Variants in USP16 observed in about 807,000 individuals in gnomAD.
The protein encoded by USP16 is ubiquitin specific peptidase 16.
In USP16, 77 loss-of-function variants were observed where a neutral mutation model predicts 95.9. The ratio of observed to expected loss-of-function variants is 0.80; its 90% CI spans 0.67 to 0.97. The LOEUF (loss-of-function observed/expected upper bound fraction) is 0.97. Ranked by LOEUF, USP16 falls within the 50% of genes least tolerant of loss-of-function variation. The pLI is 0.00. For synonymous variants in USP16, 303 were observed against 318.2 expected (o/e 0.95, Z 0.51); for missense variants, 943 against 959.9 (o/e 0.98, Z 0.23).
chr21:29,042,155 A>T (rs1308290524), intron 11 of USP16, 51 bp downstream of exon 11: 8 of 1,491,180 alleles, frequency 5.4e-6, no homozygotes, highest in Non-Finnish European at 7.4e-6. Context: ...TCAACAGTTT[A>T]TCAATTGTTT....
At chr21:29,041,656 A>G (rs1445703263) in intron 10 of USP16, among the ~76,000 whole-genome samples, 1 of 152,180 alleles carries the variant, frequency 6.6e-6, no homozygotes, top group Non-Finnish European at 1.5e-5. Flanking sequence ...CTAAGGAACT[A>G]GGCTGTCATT....
At position 29,024,695 on chromosome 21, in the gene USP16, A is replaced by G. The variant is rs2084958075; in HGVS notation, c.-124A>G. The stretch of plus-strand genomic sequence containing the variant: ...TCTGGCTTCGACTCCGTCGCTCTCA[A>G]TTCGTCACCAGGAGGAAGACGGAGC... On this transcript the variant is annotated 5_prime_UTR_variant, in exon 1 of 18. Coordinates refer to ENST00000399976, the MANE Select transcript of USP16 (RefSeq NM_006447.3). The G allele has an allele frequency of 4.7e-6, 6 of 1,288,700 alleles. No homozygotes were observed. Among genetic ancestry groups the G allele is most frequent in the African/African-American group, 4.5e-5 (3 of 65,986 alleles). 79.8% of individuals were successfully genotyped at this position (1,288,700 alleles called of 1,614,324 possible).
rs1354644648 is a variant in USP16, at chr21:29,044,510, A to T, written c.1356+911A>T. Among the ~76,000 whole-genome samples, 3 of 144,248 alleles carry T rather than the reference A, an allele frequency of 2.1e-5. No individual in the cohort carries two copies. In the East Asian group the frequency reaches 6.2e-4, roughly 30 times the overall value. 94.6% of individuals were successfully genotyped at this position (144,248 alleles called of 152,430 possible). Reference sequence around the variant, plus strand: ...CGCCCAGGCTGGAGTGCAAATGGCGAGATCTTGGCACACTGCAACCTCTGC... The same window carrying T: ...CGCCCAGGCTGGAGTGCAAATGGCGTGATCTTGGCACACTGCAACCTCTGC... On this transcript the variant is annotated intron_variant, in intron 13 of 17. Transcript: ENST00000399976.
Position 29,043,248 on chromosome 21 carries a change from G to T in USP16, c.1180-175G>T, listed in dbSNP as rs180752763. On this transcript the variant is annotated intron_variant, in intron 12 of 17. Transcript: ENST00000399976. ...TTTGCTTGTTTTCTCATTATGTGAA[G>T]ATTGCTTTCTAGTGTATGAGATAAA... 3 of 393,774 alleles carry T rather than the reference G, an allele frequency of 7.6e-6. No homozygotes were observed. The East Asian group carries it at 1.2e-4, about 16-fold the overall frequency. 24.4% of individuals were successfully genotyped at this position (393,774 alleles called of 1,614,324 possible). A position where few individuals can be genotyped will look rare whatever the true frequency, so the allele number is the denominator to read the frequency against.
At chr21:29,027,409 T>G (rs1187078090) in intron 1 of USP16, among the ~76,000 whole-genome samples, 1 of 152,250 alleles carries the variant, frequency 6.6e-6, no homozygotes, top group East Asian at 1.9e-4. Flanking sequence ...TTCAGGAGGT[T>G]GTTAGAATTA....
chr21:29,050,244 A>G, intron 16 of USP16, 66 bp downstream of exon 16: 1 of 1,399,502 alleles, frequency 7.1e-7, no homozygotes, highest in Non-Finnish European at 1.0e-6. Context: ...CTAATGCTCC[A>G]GTAGCAACTC....
chr21:29,039,426 G>T lies in USP16; in HGVS notation c.864-55G>T, dbSNP rs1434197231. ...ATGATCCTAAGATTTTCTAAAAATA[G>T]CTTCAGAGCTTAGTAGACTGAAGAT... On this transcript the variant is annotated intron_variant, in intron 8 of 17. Transcript: ENST00000399976. 5 of 1,546,214 alleles carry T rather than the reference G, an allele frequency of 3.2e-6. No individual in the cohort carries two copies. In the African/African-American group the frequency reaches 5.5e-5, roughly 17 times the overall value.
Position 29,043,523 on chromosome 21 carries a change from A to G in USP16, c.1280A>G (p.Glu427Gly). The G allele has an allele frequency of 1.2e-6, 2 of 1,601,722 alleles. No individual in the cohort carries two copies. Among genetic ancestry groups the G allele is most frequent in the East Asian group, 2.3e-5 (1 of 44,154 alleles). ...EEKDNDSYIKERSDIPSGTSK... is the reference protein window; with the variant it reads ...EEKDNDSYIKGRSDIPSGTSK... ...AAAGATAACGACAGTTACATAAAAG[A>G]GAGAAGTGATATTCCTTCTGGAACA... The change falls in exon 13 of 18, where the codon GAG becomes GGG. Residue 427 changes from glutamate (E) to glycine (G), a missense_variant. By Grantham distance (98) the Glu-to-Gly change is moderately conservative. Coordinates refer to ENST00000399976, the MANE Select transcript of USP16 (RefSeq NM_006447.3).
In USP16 at chr21:29,035,065, C is replaced by T. The variant is rs140762644; in HGVS notation, c.344+125C>T. ...TGTAGTATGTTTTAAAATACCATCA[C>T]TTTCACAAAGCTAAAGAATGCAGTA... is the stretch of plus-strand genomic sequence containing the variant. On this transcript the variant is annotated intron_variant, in intron 4 of 17. Coordinates refer to ENST00000399976, the MANE Select transcript of USP16 (RefSeq NM_006447.3). 1,281 of 850,022 alleles carry T rather than the reference C, an allele frequency of 1.5e-3. 13 individuals carry two copies. In the African/African-American group the frequency reaches 0.018, roughly 12 times the overall value. The allele number at this position is 850,022 out of a possible 1,614,324, so 52.7% of individuals were successfully genotyped here. A position where few individuals can be genotyped will look rare whatever the true frequency, so the allele number is the denominator to read the frequency against.
At chr21:29,035,854 G>A (rs1429275214) in intron 4 of USP16, among the ~76,000 whole-genome samples, 1 of 152,036 alleles carries the variant, frequency 6.6e-6, no homozygotes, top group African/African-American at 2.4e-5. Flanking sequence ...GGGAGCTGGA[G>A]GTTGCAGTGA....
At chr21:29,028,482 C>G (rs951261785) in intron 2 of USP16, among the ~76,000 whole-genome samples, 1 of 151,968 alleles carries the variant, frequency 6.6e-6, no homozygotes, top group Non-Finnish European at 1.5e-5. Flanking sequence ...GTTGCCCAGG[C>G]TGGAGTGCAG....
intron 1 of USP16, among the ~76,000 whole-genome samples, chr21:29,026,031 A>G (rs1333878875): frequency 6.6e-6 from 1 of 152,252 alleles, no homozygotes; most frequent in Non-Finnish European, 1.5e-5. Flanking sequence ...AGGTTTATTT[A>G]GAGTAGAATG....
Position 29,054,366 on chromosome 21 carries a change from G to C in USP16, c.*179G>C. The stretch of plus-strand genomic sequence containing the variant: ...TAAAAATGTACAAAGGTTTTATATT[G>C]TCATAGTGGTTTTTATTCCTGCTTT... On this transcript the variant is annotated 3_prime_UTR_variant, in exon 18 of 18. Transcript: ENST00000399976. The C allele has an allele frequency of 2.4e-6, 2 of 821,448 alleles. No homozygotes were observed. The highest frequency in any genetic ancestry group is 3.6e-6 in the Non-Finnish European group (2 of 554,252). 50.9% of individuals were successfully genotyped at this position (821,448 alleles called of 1,614,324 possible). A position where few individuals can be genotyped will look rare whatever the true frequency, so the allele number is the denominator to read the frequency against.
chr21:29,033,528 C>T (rs8128034), intron 3 of USP16, among the ~76,000 whole-genome samples: 135,445 of 152,270 alleles, frequency 0.89, 60,537 homozygotes, highest in African/African-American at 0.95. Context: ...ATATGTTTCT[C>T]AGCAGTGATC....
chr21:29,024,717 G>C lies in USP16; in HGVS notation c.-102G>C, dbSNP rs940641977. On this transcript the variant is annotated 5_prime_UTR_variant, in exon 1 of 18. Coordinates refer to ENST00000399976, the MANE Select transcript of USP16 (RefSeq NM_006447.3). ...TCAATTCGTCACCAGGAGGAAGACG[G>C]AGCTGGCTGCCCAGCCCAAAGGCCC... 6 of 1,289,270 alleles carry C rather than the reference G, an allele frequency of 4.7e-6. No individual in the cohort carries two copies. In the Admixed American group the frequency reaches 6.9e-5, roughly 15 times the overall value. The allele number at this position is 1,289,270 out of a possible 1,614,324, so 79.9% of individuals were successfully genotyped here. A position where few individuals can be genotyped will look rare whatever the true frequency, so the allele number is the denominator to read the frequency against.
At position 29,044,748 on chromosome 21, in the gene USP16, A is replaced by ATTCTTTCT. The variant is rs564605028; in HGVS notation, c.1356+1168_1356+1175dup. Among the ~76,000 whole-genome samples the ATTCTTTCT allele has an allele frequency of 5.2e-3, 781 of 151,566 alleles. 11 individuals are homozygous for ATTCTTTCT. Among genetic ancestry groups the ATTCTTTCT allele is most frequent in the African/African-American group, 0.018 (743 of 41,298 alleles). On this transcript the variant is annotated intron_variant, in intron 13 of 17. Transcript: ENST00000399976. ...AGATGTGAGACACCGTGCCTGGCCC[A>ATTCTTTCT]TTCTTTCTTTCTTTCTTTCTTTCTT...
intron 13 of USP16, among the ~76,000 whole-genome samples, chr21:29,043,818 G>T (rs1284778503): frequency 6.6e-6 from 1 of 152,014 alleles, no homozygotes; most frequent in Non-Finnish European, 1.5e-5. Context: ...ATCCTGCATT[G>T]CTTGTAACAA....
intron 6 of USP16, among the ~76,000 whole-genome samples, chr21:29,037,828 C>T (rs1036630518): frequency 6.6e-6 from 1 of 152,080 alleles, no homozygotes; most frequent in African/African-American, 2.4e-5. Context: ...TTAAGCCGTC[C>T]ACCCCCTTTG....
intron 9 of USP16, 128 bp downstream of exon 9, chr21:29,039,696 A>G: frequency 1.2e-6 from 1 of 824,102 alleles, no homozygotes; most frequent in Non-Finnish European, 1.8e-6. Context: ...ATTTTTTCTT[A>G]CACCAGCTTT....
Sources: gnomAD v4.1 joint callset for allele counts (sites outside exome capture counted in the v4.1 genomes callset) on GRCh38, gnomAD v4.1.1 for gene constraint, MANE v1.5 for transcripts, NCBI Gene and HGNC (gene_info 2026-07-23, HGNC 2026-07-21) for gene names.